Variants in CMKLR2 observed in about 807,000 individuals in gnomAD.
CMKLR2 encodes chemerin-like receptor 2.
Under a neutral mutation model 23.0 loss-of-function variants are expected in CMKLR2, and 18 were observed. The ratio of observed to expected loss-of-function variants is 0.78; its 90% CI spans 0.54 to 1.16. The LOEUF (loss-of-function observed/expected upper bound fraction) is 1.16, where lower values mean the gene tolerates loss of function less well. CMKLR2 is among the 50% of genes most tolerant of loss of function. The pLI is 0.00. For synonymous variants in CMKLR2, 158 were observed against 158.9 expected (o/e 0.99, Z 0.05); for missense variants, 401 against 412.7 (o/e 0.97, Z 0.25).
At chr2:206,181,527 A>G (rs1325018212) in intron 1 of CMKLR2, among the ~76,000 whole-genome samples, 2 of 152,210 alleles carry the variant, frequency 1.3e-5, no homozygotes, top group African/African-American at 2.4e-5. Context: ...AAACTTAACT[A>G]TTAATAGCCT....
chr2:206,210,931 A>G (rs1574332399), intron 1 of CMKLR2, among the ~76,000 whole-genome samples: 1 of 152,142 alleles, frequency 6.6e-6, no homozygotes, highest in South Asian at 2.1e-4. Flanking sequence ...TATCATATCT[A>G]TATGCTATTT....
intron 1 of CMKLR2, among the ~76,000 whole-genome samples, chr2:206,186,354 G>A (rs887003800): frequency 3.9e-5 from 6 of 152,096 alleles, no homozygotes; most frequent in African/African-American, 1.2e-4. Flanking sequence ...CTTGTGATCC[G>A]CCTGCCTCGG....
intron 1 of CMKLR2, among the ~76,000 whole-genome samples, chr2:206,212,943 T>G (rs1182638642): frequency 6.6e-6 from 1 of 152,210 alleles, no homozygotes; most frequent in Non-Finnish European, 1.5e-5. Flanking sequence ...GTTTGACTAT[T>G]TCTAGATCAC....
At chr2:206,181,951 CAAAAA>C (rs34520665) in intron 1 of CMKLR2, among the ~76,000 whole-genome samples, 1 of 68,590 alleles carries the variant, frequency 1.5e-5, no homozygotes. Context: ...AACTCCACCT[CAAAAA>C]AAAAAAAAAA....
At chr2:206,194,744 CTTTTTTTTTTTTTTT>C (rs745647131) in intron 1 of CMKLR2, among the ~76,000 whole-genome samples, 3 of 76,820 alleles carry the variant, frequency 3.9e-5, no homozygotes, top group South Asian at 9.1e-4. Flanking sequence ...CCATCATAGA[CTTTTTTTTTTTTTTT>C]TTTTTTTTTT....
In CMKLR2 at chr2:206,176,850, A is replaced by T; in HGVS notation, c.398T>A (p.Leu133Gln). The stretch of plus-strand genomic sequence containing the variant: ...ATGGATCAAGTGGATATAGTGGTCC[A>T]GGCTGATCACTGTCAGGAAAAAAAC... The part of the protein sequence containing the change: ...ASVFFLTVIS[L>Q]DHYIHLIHPV... Residue 133 changes from leucine (L) to glutamine (Q), a missense_variant, in exon 2 of 2, where the codon CTG (leucine) becomes CAG (glutamine). Leu to Gln is a moderately radical substitution (Grantham distance 113). Coordinates refer to ENST00000621141, the MANE Select transcript of CMKLR2 (RefSeq NM_001389445.1). 1 of 1,614,226 alleles carries T rather than the reference A, an allele frequency of 6.2e-7. No individual in the cohort carries two copies. The highest frequency in any genetic ancestry group is 8.5e-7 in the Non-Finnish European group (1 of 1,180,022).
At chr2:206,210,734 T>C (rs1689530098) in intron 1 of CMKLR2, among the ~76,000 whole-genome samples, 2 of 152,150 alleles carry the variant, frequency 1.3e-5, no homozygotes, top group South Asian at 4.1e-4. Flanking sequence ...ATGCTCGGAT[T>C]ACACGCATGA....
chr2:206,212,803 G>A (rs1689616958), intron 1 of CMKLR2, among the ~76,000 whole-genome samples: 3 of 152,134 alleles, frequency 2.0e-5, no homozygotes, highest in Admixed American at 2.0e-4. Flanking sequence ...GCCAGTGGCG[G>A]GGAGCTGCAT....
chr2:206,210,888 C>T (rs17289089), intron 1 of CMKLR2, among the ~76,000 whole-genome samples: 12,866 of 152,010 alleles, frequency 0.085, 696 homozygotes, highest in Admixed American at 0.18. Flanking sequence ...CATTATAAAC[C>T]GTTAAAGAGA....
intron 1 of CMKLR2, among the ~76,000 whole-genome samples, chr2:206,206,806 G>A (rs748865656): frequency 3.9e-5 from 6 of 152,210 alleles, no homozygotes; most frequent in Non-Finnish European, 7.3e-5. Flanking sequence ...ACGTGCCCGG[G>A]CATCTTGGAA....
At chr2:206,193,187 C>A (rs1025850589) in intron 1 of CMKLR2, among the ~76,000 whole-genome samples, 3 of 152,176 alleles carry the variant, frequency 2.0e-5, no homozygotes, top group African/African-American at 7.2e-5. Flanking sequence ...CAACCTCCAC[C>A]TCCTGGGTTC....
chr2:206,213,753 T>A (rs1484671691), upstream of CMKLR2: 1 of 152,280 alleles, frequency 6.6e-6, no homozygotes, highest in Non-Finnish European at 1.5e-5. Flanking sequence ...ATGCATGGTA[T>A]AAGGCTCATC....
intron 1 of CMKLR2, among the ~76,000 whole-genome samples, chr2:206,207,728 C>CTGTTTTTTTT (rs1689382428): frequency 2.3e-5 from 1 of 43,582 alleles, no homozygotes; most frequent in Non-Finnish European, 3.7e-5. Flanking sequence ...ACCTCAGGGC[C>CTGTTTTTTTT]TTTTTTTTTT....
chr2:206,188,988 C>T (rs1333177845), intron 1 of CMKLR2, among the ~76,000 whole-genome samples: 1 of 152,108 alleles, frequency 6.6e-6, no homozygotes, highest in African/African-American at 2.4e-5. Context: ...TGAGGTTTGG[C>T]TATAGAGGGA....
rs558702513 is a variant in CMKLR2, at chr2:206,182,732, T to C, written c.-28-5457A>G. On this transcript the variant is annotated intron_variant, in intron 1 of 1. Transcript: ENST00000621141. ...GTCCCCCGAGTTCAAGTGATTCTCC[T>C]GCCTCAGCCTCCAGAATAGTTGGGA... is the stretch of plus-strand genomic sequence containing the variant. Among the ~76,000 whole-genome samples, 5 of 152,266 alleles carry C rather than the reference T, an allele frequency of 3.3e-5. No individual in the cohort carries two copies. The South Asian group carries it at 1.0e-3, about 32-fold the overall frequency.
At chr2:206,182,791 T>G (rs1016663994) in intron 1 of CMKLR2, among the ~76,000 whole-genome samples, 20 of 152,170 alleles carry the variant, frequency 1.3e-4, no homozygotes, top group Non-Finnish European at 1.2e-4. Context: ...TAATTTTTTT[T>G]GTATTTTTAG....
At chr2:206,214,257 C>T (rs1689676462), upstream of CMKLR2, among the ~76,000 whole-genome samples, 1 of 149,860 alleles carries the variant, frequency 6.7e-6, no homozygotes. Context: ...CTGCAACCTC[C>T]GCCTCCCGTG....
intron 1 of CMKLR2, among the ~76,000 whole-genome samples, chr2:206,201,357 C>T (rs1689090337): frequency 1.3e-5 from 2 of 152,082 alleles, no homozygotes; most frequent in South Asian, 4.1e-4. Flanking sequence ...AATTGCAGGC[C>T]CTGAATTATT....
intron 1 of CMKLR2, among the ~76,000 whole-genome samples, chr2:206,189,825 G>T (rs1688694800): frequency 6.6e-6 from 1 of 152,100 alleles, no homozygotes; most frequent in Admixed American, 6.6e-5. Context: ...GCCCCAGGGG[G>T]TGGTATTTGG....
Sources: gnomAD v4.1 joint callset for allele counts (sites outside exome capture counted in the v4.1 genomes callset) on GRCh38, gnomAD v4.1.1 for gene constraint, MANE v1.5 for transcripts, NCBI Gene and HGNC (gene_info 2026-07-23, HGNC 2026-07-21) for gene names.